Variants in SIM2 observed in about 807,000 individuals in gnomAD.
SIM2 encodes single-minded homolog 2.
Under a neutral mutation model 64.8 loss-of-function variants are expected in SIM2, and 28 were observed. The observed-to-expected ratio is 0.43, with a 90% CI of 0.32 to 0.59. The LOEUF is 0.59. Among genes scored for constraint, SIM2 ranks in the 20% least tolerant of loss-of-function variants. The pLI, the probability that SIM2 is intolerant of heterozygous loss-of-function variation, is 0.07. For missense variants in SIM2, 847 were observed against 871.4 expected (o/e 0.97, Z 0.35); for synonymous variants, 408 against 391.1 (o/e 1.04, Z -0.51).
intron 1 of SIM2, among the ~76,000 whole-genome samples, chr21:36,705,536 G>C (rs1417391045): frequency 6.6e-6 from 1 of 152,214 alleles, no homozygotes; most frequent in Non-Finnish European, 1.5e-5. Context: ...CTGGGGCTTC[G>C]GGCTGGGCCG....
intron 3 of SIM2, 86 bp from the exon 4 acceptor site, chr21:36,719,735 G>A (rs2088796894): frequency 7.7e-6 from 6 of 777,390 alleles, no homozygotes; most frequent in Non-Finnish European, 1.4e-5. Context: ...TCCTGGCAGG[G>A]TGAGCACCTG....
chr21:36,700,930 G>A (rs2088484626), intron 1 of SIM2, among the ~76,000 whole-genome samples: 1 of 152,386 alleles, frequency 6.6e-6, no homozygotes, highest in Admixed American at 6.5e-5. Context: ...CGCTGGGTGG[G>A]CTGCCCCGCC....
At chr21:36,719,977 C>CA (rs1332645390) in intron 4 of SIM2, 48 bp downstream of exon 4, 1 of 1,314,914 alleles carries the variant, frequency 7.6e-7, no homozygotes, top group Non-Finnish European at 1.1e-6. Context: ...AGCAAGGCGA[C>CA]ATTCTTAAAT....
intron 1 of SIM2, among the ~76,000 whole-genome samples, chr21:36,706,536 T>C (rs1281165843): frequency 2.0e-5 from 3 of 152,212 alleles, no homozygotes; most frequent in Admixed American, 6.5e-5. Flanking sequence ...CTTCCTTAGG[T>C]CCAGATGAGG....
At chr21:36,721,233 GGATATGATAT>G (rs1397231905) in intron 4 of SIM2, among the ~76,000 whole-genome samples, 1 of 152,122 alleles carries the variant, frequency 6.6e-6, no homozygotes, top group Non-Finnish European at 1.5e-5. Context: ...TCTGATTCTT[GGATATGATAT>G]GTCTGCAGAC....
intron 8 of SIM2, among the ~76,000 whole-genome samples, chr21:36,742,964 G>A (rs575119704): frequency 2.0e-5 from 3 of 152,310 alleles, no homozygotes; most frequent in Non-Finnish European, 2.9e-5. Flanking sequence ...TGGTGGTCAG[G>A]CTCCCAGACC....
chr21:36,736,613 C>T (rs1568938086), intron 7 of SIM2, among the ~76,000 whole-genome samples: 1 of 152,106 alleles, frequency 6.6e-6, no homozygotes, highest in Non-Finnish European at 1.5e-5. Context: ...GCACCTCGGA[C>T]CAGAGAAGGG....
chr21:36,706,572 G>T (rs966795280), intron 1 of SIM2, among the ~76,000 whole-genome samples: 2 of 152,236 alleles, frequency 1.3e-5, no homozygotes, highest in Non-Finnish European at 2.9e-5. Flanking sequence ...CCTCACTTTC[G>T]TGGGAGTGTA....
At position 36,745,274 on chromosome 21, in the gene SIM2, G is replaced by A. The variant is rs1433529165; in HGVS notation, c.1576+138G>A. The A allele has an allele frequency of 6.2e-6, 9 of 1,459,728 alleles. No homozygotes were observed. Among genetic ancestry groups the A allele is most frequent in the Non-Finnish European group, 8.2e-6 (9 of 1,103,366 alleles). The allele number at this position is 1,459,728 out of a possible 1,614,324, so 90.4% of individuals were successfully genotyped here. On this transcript the variant is annotated intron_variant, in intron 10 of 10. Coordinates refer to ENST00000290399, the MANE Select transcript of SIM2 (RefSeq NM_005069.6). The surrounding 1 kb of genome is among the most constrained non-coding windows in gnomAD (Gnocchi z 4.8). ...TTGCCCTCTTTCTGCTTCTAAGTAG[G>A]GCTTGCTGTGCTTTCTTGCTCTCAA... is the stretch of plus-strand genomic sequence containing the variant.
At chr21:36,735,037 T>C (rs573683393) in intron 7 of SIM2, among the ~76,000 whole-genome samples, 118 of 152,076 alleles carry the variant, frequency 7.8e-4, no homozygotes, top group African/African-American at 2.7e-3. Context: ...CCACAAAGGG[T>C]GTTGTCCACT....
chr21:36,743,260 C>A, intron 8 of SIM2, 127 bp from the exon 9 acceptor site: 1 of 817,504 alleles, frequency 1.2e-6, no homozygotes, highest in Non-Finnish European at 2.0e-6. Context: ...CAAATCCCAT[C>A]CACATCCAAT....
chr21:36,733,576 T>C (rs76952367), intron 7 of SIM2, among the ~76,000 whole-genome samples: 4 of 148,588 alleles, frequency 2.7e-5, no homozygotes, highest in Non-Finnish European at 6.0e-5. Flanking sequence ...TTTTTTTTTT[T>C]TCAGACAGAG....
At chr21:36,717,296 C>T (rs1424146148) in intron 3 of SIM2, among the ~76,000 whole-genome samples, 2 of 152,086 alleles carry the variant, frequency 1.3e-5, no homozygotes, top group Admixed American at 6.5e-5. Context: ...AAAAGAACTT[C>T]GAGCAAACCA....
At chr21:36,700,921 G>C (rs960103519) in intron 1 of SIM2, among the ~76,000 whole-genome samples, 2 of 152,258 alleles carry the variant, frequency 1.3e-5, no homozygotes, top group Non-Finnish European at 2.9e-5. Flanking sequence ...ATAGTGGCGC[G>C]CTGGGTGGGC....
Position 36,745,026 on chromosome 21 carries a change from G to A in SIM2, c.1466G>A (p.Cys489Tyr). Reference sequence around the variant, plus strand: ...AGCACACTGCCAGCCAGCGGTGAATGCCAGTGGCATTATGCCAACCCCCTA... The same window carrying A: ...AGCACACTGCCAGCCAGCGGTGAATACCAGTGGCATTATGCCAACCCCCTA... ...FLSTLPASGE[C>Y]QWHYANPLVP... The change falls in exon 10 of 11, where the codon TGC (cysteine) becomes TAC (tyrosine). Residue 489 changes from cysteine to tyrosine, a missense_variant. This residue lies in a region of SIM2 where 447 missense variants were observed against 414.6 expected (regional missense o/e 1.08). Coordinates refer to ENST00000290399, the MANE Select transcript of SIM2 (RefSeq NM_005069.6). This position sits in a 1 kb window ranked among gnomAD's most constrained non-coding sequence, Gnocchi z 4.8. 6.2e-7 allele frequency: 1 copy of A among 1,614,204 alleles called. No homozygotes were observed.
chr21:36,702,870 G>A (rs1024320718), intron 1 of SIM2, among the ~76,000 whole-genome samples: 1 of 150,040 alleles, frequency 6.7e-6, no homozygotes, highest in African/African-American at 2.4e-5. Flanking sequence ...TCTGCCAAGG[G>A]CGGTCTTGTC....
intron 4 of SIM2, 87 bp downstream of exon 4, chr21:36,720,016 G>T (rs768667908): frequency 1.1e-6 from 1 of 950,194 alleles, no homozygotes; most frequent in Non-Finnish European, 1.7e-6. Context: ...TCCCACATCT[G>T]CCAAGTGGCT....
chr21:36,745,137 G>T lies in SIM2; in HGVS notation c.1576+1G>T, dbSNP rs1205412334. The T allele has an allele frequency of 1.9e-6, 3 of 1,607,748 alleles. No homozygotes were observed. The highest frequency in any genetic ancestry group is 2.5e-6 in the Non-Finnish European group (3 of 1,176,746). The stretch of plus-strand genomic sequence containing the variant: ...CACAGCCTGGTGCCAAGCTACGAAG[G>T]TGGGTCAGGTCTGCTCGTGGGGAAG... On this transcript the variant is annotated splice_donor_variant, in intron 10 of 10. Transcript: ENST00000290399. LOFTEE classifies it high-confidence loss of function. The surrounding 1 kb of genome is among the most constrained non-coding windows in gnomAD (Gnocchi z 4.8).
intron 1 of SIM2, among the ~76,000 whole-genome samples, chr21:36,700,299 C>CCTTTCTTT (rs201030610): frequency 2.7e-5 from 4 of 150,066 alleles, no homozygotes; most frequent in African/African-American, 9.9e-5. Flanking sequence ...CTCTTTCTTT[C>CCTTTCTTT]CTTTCTTTCT....
Sources: allele counts gnomAD v4.1 joint callset (sites outside exome capture counted in the v4.1 genomes callset), GRCh38; gene constraint gnomAD v4.1.1; regional missense constraint gnomAD v4.1.1; non-coding constraint Gnocchi (gnomAD v3.1); transcripts MANE v1.5; gene names NCBI Gene and HGNC (gene_info 2026-07-23, HGNC 2026-07-21).